The following JAM2 variants were observed in gnomAD, a reference collection of about 807,000 sequenced individuals.
The protein encoded by JAM2 is junctional adhesion molecule 2.
Under a neutral mutation model 42.0 loss-of-function variants are expected in JAM2, and 17 were observed. The ratio of observed to expected loss-of-function variants is 0.40; its 90% CI spans 0.28 to 0.61. The LOEUF (loss-of-function observed/expected upper bound fraction) is 0.61. Among genes scored for constraint, JAM2 ranks in the 20% least tolerant of loss-of-function variants. JAM2 has a pLI of 0.37. For missense variants in JAM2, 319 were observed against 358.3 expected (o/e 0.89, Z 0.89); for synonymous variants, 118 against 128.6 (o/e 0.92, Z 0.56).
intron 2 of JAM2, among the ~76,000 whole-genome samples, chr21:25,685,490 A>C (rs182208668): frequency 7.4e-6 from 1 of 135,378 alleles, no homozygotes; most frequent in East Asian, 2.2e-4. Flanking sequence ...ATGCCAGTGC[A>C]CTCCAGCCTG....
At chr21:25,672,836 G>T (rs1430426357) in intron 1 of JAM2, among the ~76,000 whole-genome samples, 2 of 152,138 alleles carry the variant, frequency 1.3e-5, no homozygotes, top group Admixed American at 1.3e-4. Context: ...AAGTGTTAGG[G>T]CCATCGTTTT....
At chr21:25,647,195 C>A (rs887762542) in intron 1 of JAM2, among the ~76,000 whole-genome samples, 10 of 152,090 alleles carry the variant, frequency 6.6e-5, no homozygotes, top group Non-Finnish European at 1.2e-4. Context: ...ATATGTCTAA[C>A]TAAAAATAAT....
chr21:25,662,049 G>A (rs900831607), intron 1 of JAM2, among the ~76,000 whole-genome samples: 1 of 151,936 alleles, frequency 6.6e-6, no homozygotes, highest in Admixed American at 6.6e-5. Flanking sequence ...TGAGTTATTC[G>A]GTGTCAAAAT....
chr21:25,694,516 A>G (rs992641227), intron 4 of JAM2, among the ~76,000 whole-genome samples: 3 of 152,154 alleles, frequency 2.0e-5, no homozygotes, highest in African/African-American at 7.2e-5. Context: ...CTCCAAAACC[A>G]GTATGTTTAG....
rs1372869492 is a variant in JAM2 at position 25,702,153 on chromosome 21, T to C, written c.598-17T>C. 3 of 1,384,120 alleles carry C rather than the reference T, an allele frequency of 2.2e-6. No homozygotes were observed. Among genetic ancestry groups the C allele is most frequent in the Admixed American group, 1.7e-5 (1 of 57,820 alleles). The allele number at this position is 1,384,120 out of a possible 1,614,324, so 85.7% of individuals were successfully genotyped here. Reference sequence around the variant, plus strand: ...GATCTATGGCTTAAAAAAATATATTTTTGCATCCACAAATAGCAATTTAAT... The same window carrying C: ...GATCTATGGCTTAAAAAAATATATTCTTGCATCCACAAATAGCAATTTAAT... On this transcript the variant is annotated splice_polypyrimidine_tract_variant and intron_variant, in intron 5 of 9. Transcript: ENST00000480456.
chr21:25,676,260 C>A (rs2033490505), intron 1 of JAM2, among the ~76,000 whole-genome samples: 1 of 142,914 alleles, frequency 7.0e-6, no homozygotes, highest in South Asian at 2.2e-4. Context: ...TGCACTCCAG[C>A]CTGGGTGACA....
chr21:25,706,939 C>T (rs1353989874), intron 7 of JAM2, among the ~76,000 whole-genome samples: 1 of 151,912 alleles, frequency 6.6e-6, no homozygotes, highest in African/African-American at 2.4e-5. Context: ...GGGGTTTCAT[C>T]GTGTTAGCCG....
intron 7 of JAM2, among the ~76,000 whole-genome samples, chr21:25,706,338 C>T (rs994045018): frequency 8.5e-5 from 13 of 152,072 alleles, no homozygotes; most frequent in Admixed American, 6.5e-4. Context: ...TGCACCAACA[C>T]ACCCAGCTCA....
intron 1 of JAM2, among the ~76,000 whole-genome samples, chr21:25,642,083 C>G (rs1047328115): frequency 6.6e-6 from 1 of 152,064 alleles, no homozygotes; most frequent in African/African-American, 2.4e-5. Context: ...TTGATGTGAA[C>G]CTAGGTCACC....
chr21:25,671,443 C>T (rs1008622385), intron 1 of JAM2, among the ~76,000 whole-genome samples: 1 of 152,154 alleles, frequency 6.6e-6, no homozygotes, highest in East Asian at 1.9e-4. Context: ...CATGGTCAAC[C>T]TGTATCCCTT....
rs1206896948 is a variant in JAM2, at chr21:25,710,687, AGAG to A, written c.821+1242_821+1244del. 6.6e-5 allele frequency among the ~76,000 whole-genome samples: 10 copies of A among 152,358 alleles called. 1 individual carries two copies. The highest frequency in any genetic ancestry group is 4.1e-4 in the South Asian group (2 of 4,830). On this transcript the variant is annotated intron_variant, in intron 8 of 9. Coordinates refer to ENST00000480456, the MANE Select transcript of JAM2 (RefSeq NM_021219.4). ...GTGGCTGGAACAGAATGAGAGAAAC[AGAG>A]GAGATGAGCGTACAAAAGTAGCGGT...
chr21:25,695,009 T>C (rs1440844134), intron 4 of JAM2, among the ~76,000 whole-genome samples: 5 of 151,442 alleles, frequency 3.3e-5, no homozygotes, highest in Admixed American at 3.3e-4. Flanking sequence ...TATTGATCAT[T>C]CTTGGGTGTT....
At chr21:25,688,585 A>T (rs541087834) in intron 2 of JAM2, among the ~76,000 whole-genome samples, 16 of 152,306 alleles carry the variant, frequency 1.1e-4, no homozygotes, top group Admixed American at 6.5e-5. Flanking sequence ...CTGTAAAATG[A>T]TGTCTCTTTG....
At chr21:25,684,543 A>T (rs2033707383) in intron 2 of JAM2, among the ~76,000 whole-genome samples, 1 of 152,196 alleles carries the variant, frequency 6.6e-6, no homozygotes, top group Non-Finnish European at 1.5e-5. Context: ...TTGTCAAAAG[A>T]AACTAGTAAC....
In JAM2 at chr21:25,639,491, T is replaced by G; in HGVS notation, c.-331T>G. Reference sequence around the variant, plus strand: ...GGCGGAGGGACGACCCGCCGGGGCTTTCCCGGGCGCTGCTCTCCTCCTGCT... The same window carrying G: ...GGCGGAGGGACGACCCGCCGGGGCTGTCCCGGGCGCTGCTCTCCTCCTGCT... On this transcript the variant is annotated 5_prime_UTR_variant, in exon 1 of 10. Coordinates refer to ENST00000480456, the MANE Select transcript of JAM2 (RefSeq NM_021219.4). 4.0e-6 allele frequency: 1 copy of G among 247,556 alleles called. No individual in the cohort carries two copies. The highest frequency in any genetic ancestry group is 7.7e-6 in the Non-Finnish European group (1 of 130,424). 15.3% of individuals were successfully genotyped at this position (247,556 alleles called of 1,614,324 possible).
intron 1 of JAM2, among the ~76,000 whole-genome samples, chr21:25,676,721 C>G (rs2033505769): frequency 6.6e-6 from 1 of 152,068 alleles, no homozygotes; most frequent in Non-Finnish European, 1.5e-5. Flanking sequence ...GTTTATTTTC[C>G]TATTTAATTT....
intron 1 of JAM2, 59 bp downstream of exon 1, chr21:25,639,947 G>T: frequency 8.1e-7 from 1 of 1,232,402 alleles, no homozygotes; most frequent in Non-Finnish European, 1.1e-6. Flanking sequence ...CCACCCTCCA[G>T]CCCCCCACGG....
chr21:25,652,598 GTTATA>G (rs1054486710), intron 1 of JAM2, among the ~76,000 whole-genome samples: 6 of 152,064 alleles, frequency 3.9e-5, no homozygotes, highest in Non-Finnish European at 5.9e-5. Context: ...TTGACACTAT[GTTATA>G]TTATAGGAAA....
rs61140678 is a variant in JAM2 at position 25,693,607 on chromosome 21, A to G, written c.242-149A>G. On this transcript the variant is annotated intron_variant, in intron 3 of 9. Coordinates refer to ENST00000480456, the MANE Select transcript of JAM2 (RefSeq NM_021219.4). ...TTCCAAAAGAAAAATTTTAAATAACAGCATCTATATACAACTTTTAGGCTT... is the reference window on the plus strand; with the variant it reads ...TTCCAAAAGAAAAATTTTAAATAACGGCATCTATATACAACTTTTAGGCTT... 7.0e-3 allele frequency: 4,598 copies of G among 658,694 alleles called. 173 individuals are homozygous for G. In the African/African-American group the frequency reaches 0.075, roughly 11 times the overall value. 40.8% of individuals were successfully genotyped at this position (658,694 alleles called of 1,614,324 possible). A position where few individuals can be genotyped will look rare whatever the true frequency, so the allele number is the denominator to read the frequency against.
Sources: gnomAD v4.1 joint callset for allele counts (sites outside exome capture counted in the v4.1 genomes callset) on GRCh38, gnomAD v4.1.1 for gene constraint, MANE v1.5 for transcripts, NCBI Gene and HGNC (gene_info 2026-07-23, HGNC 2026-07-21) for gene names.